Variants in GALNT9 observed in about 807,000 individuals in gnomAD.
GALNT9 encodes polypeptide N-acetylgalactosaminyltransferase 9.
In GALNT9, 47 loss-of-function variants were observed where a neutral mutation model predicts 63.1. The ratio of observed to expected loss-of-function variants is 0.75; its 90% CI spans 0.59 to 0.95. The LOEUF is 0.95. Among genes scored for constraint, GALNT9 ranks in the 40% least tolerant of loss-of-function variants. The probability of loss-of-function intolerance (pLI) is 0.00; values close to 1 mark genes in which losing one functional copy is unlikely to be tolerated. For synonymous variants in GALNT9, 396 were observed against 365.7 expected (o/e 1.08, Z -0.94); for missense variants, 829 against 874.8 (o/e 0.95, Z 0.66).
intron 1 of GALNT9, among the ~76,000 whole-genome samples, chr12:132,289,275 C>T (rs1009465380): frequency 6.6e-6 from 1 of 152,190 alleles, no homozygotes; most frequent in Non-Finnish European, 1.5e-5. Flanking sequence ...CGTTTTCATT[C>T]TCTTGGTTTT....
chr12:132,291,572 C>T (rs539028373), intron 1 of GALNT9, among the ~76,000 whole-genome samples: 12 of 150,964 alleles, frequency 7.9e-5, no homozygotes, highest in South Asian at 2.1e-4. Context: ...ACAACCACAG[C>T]GCCCACGTCC....
intron 2 of GALNT9, among the ~76,000 whole-genome samples, chr12:132,271,812 T>TCCCACGCGTGGGAGGCC (rs1215546338): frequency 1.1e-4 from 17 of 151,526 alleles, no homozygotes; most frequent in Non-Finnish European, 1.5e-4. Context: ...GCAGGGAGGC[T>TCCCACGCGTGGGAGGCC]CCCACGCGTG....
chr12:132,197,311 CCA>C, intron 10 of GALNT9, 58 bp from the exon 11 acceptor site: 1 of 1,589,464 alleles, frequency 6.3e-7, no homozygotes, highest in Non-Finnish European at 8.5e-7. Context: ...CCCCCTCCCC[CCA>C]CCTCAGGGAG....
intron 1 of GALNT9, among the ~76,000 whole-genome samples, chr12:132,291,352 ACG>A (rs1555242728): frequency 0.034 from 2,599 of 76,160 alleles, 262 homozygotes; most frequent in African/African-American, 0.061. Context: ...CACAGCACCC[ACG>A]TCCACAGCAC....
chr12:132,282,454 C>T lies in GALNT9; in HGVS notation c.419+3796G>A, dbSNP rs1354324034. Among the ~76,000 whole-genome samples, 1 of 152,118 alleles carries T rather than the reference C, an allele frequency of 6.6e-6. No individual in the cohort carries two copies. Among genetic ancestry groups the T allele is most frequent in the Non-Finnish European group, 1.5e-5 (1 of 68,018 alleles). On this transcript the variant is annotated intron_variant, in intron 2 of 10. Transcript: ENST00000328957. The surrounding 1 kb of genome is among the most constrained non-coding windows in gnomAD (Gnocchi z 4.5). Reference sequence around the variant, plus strand: ...GCGTGCATGCGTGTGTGTGCGTGTGCATGTGTGTGTGCACGCATGTGGTAA... The same window carrying T: ...GCGTGCATGCGTGTGTGTGCGTGTGTATGTGTGTGTGCACGCATGTGGTAA...
At chr12:132,230,389 A>G (rs989256048) in intron 6 of GALNT9, among the ~76,000 whole-genome samples, 8 of 152,208 alleles carry the variant, frequency 5.3e-5, no homozygotes, top group African/African-American at 1.7e-4. Context: ...AGGCAAAAGG[A>G]GCTGGGGTAC....
At chr12:132,228,245 G>A (rs931818975) in intron 6 of GALNT9, among the ~76,000 whole-genome samples, 48 of 151,596 alleles carry the variant, frequency 3.2e-4, no homozygotes, top group Admixed American at 1.9e-3. Context: ...CCTCCCCGGC[G>A]TCCCTCTGAC....
intron 1 of GALNT9, among the ~76,000 whole-genome samples, chr12:132,303,878 T>C (rs868944705): frequency 1.8e-4 from 3 of 16,822 alleles, no homozygotes; most frequent in Non-Finnish European, 3.3e-4. Context: ...CACCCTCGCC[T>C]GGGCACAGCC....
chr12:132,282,404 CGT>C lies in GALNT9; in HGVS notation c.419+3844_419+3845del, dbSNP rs1427867081. The stretch of plus-strand genomic sequence containing the variant: ...AAAAAACTAAAAATACGTGTGTGCG[CGT>C]GTGTGCGTGTGTGTGCGTGTGTGCG... On this transcript the variant is annotated intron_variant, in intron 2 of 10. Transcript: ENST00000328957. This position sits in a 1 kb window ranked among gnomAD's most constrained non-coding sequence, Gnocchi z 4.5. 4.7e-5 allele frequency among the ~76,000 whole-genome samples: 7 copies of C among 149,462 alleles called. No homozygotes were observed. The highest frequency in any genetic ancestry group is 1.8e-4 in the African/African-American group (7 of 39,090).
chr12:132,286,260 G>T lies in GALNT9; in HGVS notation c.409C>A (p.Arg137=). Residue 137 remains arginine (R), a synonymous_variant, in exon 2 of 11, where the codon CGG becomes AGG. Transcript: ENST00000328957. The surrounding 1 kb of genome is among the most constrained non-coding windows in gnomAD (Gnocchi z 7.4). ...CAGTCACTCACTCACTTTCTGGGCC[G>T]GTAGTCGGGGATGCTCCGATCGAGG... ...ISLDRSIPDY[R]PRKCRQMSYA... 3.2e-6 allele frequency: 5 copies of T among 1,550,300 alleles called. No homozygotes were observed. The highest frequency in any genetic ancestry group is 4.4e-6 in the Non-Finnish European group (5 of 1,146,280).
chr12:132,241,118 A>C (rs2136900792), intron 6 of GALNT9, among the ~76,000 whole-genome samples: 154 of 36,492 alleles, frequency 4.2e-3, no homozygotes, highest in East Asian at 9.9e-3. Flanking sequence ...TACACACACA[A>C]CACACACCCT....
intron 1 of GALNT9, among the ~76,000 whole-genome samples, chr12:132,322,465 C>T (rs1868844573): frequency 6.6e-6 from 1 of 152,216 alleles, no homozygotes; most frequent in African/African-American, 2.4e-5. Context: ...GGGCTGGGCC[C>T]GCAAATGCCA....
intron 6 of GALNT9, among the ~76,000 whole-genome samples, chr12:132,214,061 T>C (rs1445429485): frequency 6.6e-6 from 1 of 152,126 alleles, no homozygotes; most frequent in Non-Finnish European, 1.5e-5. Flanking sequence ...CCCTCAGTCC[T>C]CCCAGGTGAA....
rs1878002751 is a variant in GALNT9, at chr12:132,236,360, G to A, written c.1077+11550C>T. ...GCCACATCCAGTGTGGGGGCTGCGGGCTCCAGGCCTGGTGTCTCTGGAGGG... is the reference window on the plus strand; with the variant it reads ...GCCACATCCAGTGTGGGGGCTGCGGACTCCAGGCCTGGTGTCTCTGGAGGG... On this transcript the variant is annotated intron_variant, in intron 6 of 10. Coordinates refer to ENST00000328957, the MANE Select transcript of GALNT9 (RefSeq NM_001122636.2). This position sits in a 1 kb window ranked among gnomAD's most constrained non-coding sequence, Gnocchi z 5.6. Among the ~76,000 whole-genome samples, 2 of 152,114 alleles carry A rather than the reference G, an allele frequency of 1.3e-5. No homozygotes were observed. The highest frequency in any genetic ancestry group is 6.5e-5 in the Admixed American group (1 of 15,286).
intron 6 of GALNT9, among the ~76,000 whole-genome samples, chr12:132,228,765 G>A (rs1304846257): frequency 2.6e-5 from 4 of 151,910 alleles, no homozygotes; most frequent in Non-Finnish European, 4.4e-5. Flanking sequence ...TCCAACTTCC[G>A]CTCTGCAGAT....
chr12:132,202,829 G>T (rs1876271006), intron 7 of GALNT9, among the ~76,000 whole-genome samples: 1 of 152,116 alleles, frequency 6.6e-6, no homozygotes, highest in Non-Finnish European at 1.5e-5. Flanking sequence ...GTGGGGGTGG[G>T]GCGCTTTGAG....
At chr12:132,251,720 T>C (rs1878923598) in intron 5 of GALNT9, among the ~76,000 whole-genome samples, 1 of 151,738 alleles carries the variant, frequency 6.6e-6, no homozygotes, top group Non-Finnish European at 1.5e-5. Flanking sequence ...ATGGAGGTAG[T>C]GCTTGGGGTT....
At chr12:132,225,511 A>G (rs2135522963) in intron 6 of GALNT9, among the ~76,000 whole-genome samples, 1 of 146,430 alleles carries the variant, frequency 6.8e-6, no homozygotes, top group African/African-American at 2.6e-5. Flanking sequence ...TCCACACTCC[A>G]CACACTGTAT....
chr12:132,295,905 A>AC (rs1881044066), intron 1 of GALNT9, among the ~76,000 whole-genome samples: 1 of 143,872 alleles, frequency 7.0e-6, no homozygotes, highest in African/African-American at 2.7e-5. Flanking sequence ...CCGAACAGGG[A>AC]GAGCCTCCGA....
Sources: allele counts gnomAD v4.1 joint callset (sites outside exome capture counted in the v4.1 genomes callset), GRCh38; gene constraint gnomAD v4.1.1; non-coding constraint Gnocchi (gnomAD v3.1); transcripts MANE v1.5; gene names NCBI Gene and HGNC (gene_info 2026-07-23, HGNC 2026-07-21).